SPIDR: variants seen among roughly 807,000 people sequenced by gnomAD.
SPIDR encodes DNA repair-scaffolding protein.
SPIDR carries 93 observed loss-of-function variants against 104.6 expected under a neutral mutation model. The observed-to-expected ratio is 0.89, with a 90% CI of 0.75 to 1.06. The LOEUF (loss-of-function observed/expected upper bound fraction) is 1.06. SPIDR is among the 50% of genes least tolerant of loss of function. SPIDR has a pLI of 0.00. For synonymous variants in SPIDR, 431 were observed against 416.9 expected, an observed-to-expected ratio of 1.03 and a Z score of -0.41; for missense variants, 1,154 against 1,111.2, an observed-to-expected ratio of 1.04 and a Z score of -0.55.
At chr8:47,322,273 C>G (rs191073031) in intron 5 of SPIDR, among the ~76,000 whole-genome samples, 5 of 152,102 alleles carry the variant, frequency 3.3e-5, no homozygotes, top group African/African-American at 1.2e-4. Context: ...AGAAAGTGGT[C>G]GAAGGATATG....
At chr8:47,668,154 C>G (rs1010942548) in intron 10 of SPIDR, among the ~76,000 whole-genome samples, 63 of 152,178 alleles carry the variant, frequency 4.1e-4, no homozygotes, top group Non-Finnish European at 6.9e-4. Flanking sequence ...GAGTCTTATA[C>G]TTAGAATTTT....
At chr8:47,640,132 T>C (rs543997208) in intron 10 of SPIDR, among the ~76,000 whole-genome samples, 1 of 152,336 alleles carries the variant, frequency 6.6e-6, no homozygotes, top group African/African-American at 2.4e-5. Flanking sequence ...TAGTGTGGGC[T>C]GCAAGCTGAA....
chr8:47,442,966 TG>T (rs1190119519), intron 8 of SPIDR, among the ~76,000 whole-genome samples: 2 of 152,194 alleles, frequency 1.3e-5, no homozygotes, highest in African/African-American at 2.4e-5. Context: ...TAAATGACCT[TG>T]TTTTTTTAAT....
chr8:47,418,355 A>G (rs2064763593), intron 7 of SPIDR, among the ~76,000 whole-genome samples: 2 of 152,092 alleles, frequency 1.3e-5, no homozygotes. Flanking sequence ...TGTAAGTTGG[A>G]TTCCTAGGTA....
In SPIDR at chr8:47,700,473, G is replaced by A. The variant is rs555963240; in HGVS notation, c.1756G>A (p.Asp586Asn). 21 of 1,614,100 alleles carry A rather than the reference G, an allele frequency of 1.3e-5. No homozygotes were observed. The highest frequency in any genetic ancestry group is 4.0e-5 in the African/African-American group (3 of 75,006). Residue 586 changes from aspartate (D) to asparagine (N), a missense_variant, in exon 12 of 20, where the codon GAC becomes AAC. Asp to Asn is a conservative substitution (Grantham distance 23). Transcript: ENST00000297423. ...GATACCTCTGAAAACACCTGGCCGC[G>A]ACCAGCCCTGTGAAGAGGTAAGCCC... ...PAIPLKTPGR[D>N]QPCEEIKTHL...
chr8:47,313,714 G>C (rs1157021290), intron 5 of SPIDR, among the ~76,000 whole-genome samples: 4 of 152,192 alleles, frequency 2.6e-5, no homozygotes, highest in African/African-American at 9.7e-5. Flanking sequence ...CCAAAACAGA[G>C]ATATAGATCA....
chr8:47,300,665 T>G (rs988118037), intron 5 of SPIDR, among the ~76,000 whole-genome samples: 22 of 152,208 alleles, frequency 1.4e-4, no homozygotes, highest in African/African-American at 5.1e-4. Flanking sequence ...TCTTGTTGGT[T>G]TCCAAGAACA....
At chr8:47,635,814 C>T (rs2067828635) in intron 10 of SPIDR, among the ~76,000 whole-genome samples, 1 of 152,186 alleles carries the variant, frequency 6.6e-6, no homozygotes, top group African/African-American at 2.4e-5. Context: ...AAGGAGAAAG[C>T]TGACATGCTT....
chr8:47,468,375 A>G (rs1351627039), intron 8 of SPIDR, among the ~76,000 whole-genome samples: 1 of 152,186 alleles, frequency 6.6e-6, no homozygotes, highest in African/African-American at 2.4e-5. Context: ...CATGTATCCA[A>G]AAATGAGCCC....
chr8:47,332,125 A>C (rs1405518009), intron 5 of SPIDR, among the ~76,000 whole-genome samples: 2 of 73,244 alleles, frequency 2.7e-5, no homozygotes, highest in Non-Finnish European at 5.3e-5. Context: ...CATTAGGTAT[A>C]TCTCCCAATG....
chr8:47,657,325 T>C (rs1381011230), intron 10 of SPIDR, among the ~76,000 whole-genome samples: 10 of 152,186 alleles, frequency 6.6e-5, no homozygotes, highest in African/African-American at 2.4e-4. Context: ...TACTGGATGA[T>C]TCAATTTTTG....
intron 10 of SPIDR, among the ~76,000 whole-genome samples, chr8:47,625,400 G>C (rs1198045215): frequency 6.6e-6 from 1 of 152,188 alleles, no homozygotes; most frequent in Non-Finnish European, 1.5e-5. Context: ...AGTCAGGCAG[G>C]AGAAGGAAAT....
At chr8:47,425,763 A>T (rs1554684258) in intron 7 of SPIDR, among the ~76,000 whole-genome samples, 1 of 152,214 alleles carries the variant, frequency 6.6e-6, no homozygotes, top group African/African-American at 2.4e-5. Flanking sequence ...GTAAAAAGTG[A>T]GTACAACTTA....
chr8:47,620,603 C>T (rs1372822754), intron 10 of SPIDR, among the ~76,000 whole-genome samples: 5 of 149,344 alleles, frequency 3.3e-5, no homozygotes, highest in East Asian at 4.0e-4. Context: ...CACAATTCAT[C>T]GGTTTTGTTT....
chr8:47,495,149 C>T (rs1246587790), intron 8 of SPIDR, among the ~76,000 whole-genome samples: 1 of 151,970 alleles, frequency 6.6e-6, no homozygotes, highest in East Asian at 1.9e-4. Flanking sequence ...AACAATATTG[C>T]CACCAAGAAC....
At chr8:47,626,765 T>C (rs1191153456) in intron 10 of SPIDR, among the ~76,000 whole-genome samples, 1 of 152,010 alleles carries the variant, frequency 6.6e-6, no homozygotes, top group East Asian at 1.9e-4. Context: ...TGTGGAGAAA[T>C]AGGAACACTT....
chr8:47,624,600 T>C (rs1205596614), intron 10 of SPIDR, among the ~76,000 whole-genome samples: 1 of 152,146 alleles, frequency 6.6e-6, no homozygotes, highest in Non-Finnish European at 1.5e-5. Flanking sequence ...CAGAGAATAC[T>C]ATAAACACCT....
intron 5 of SPIDR, among the ~76,000 whole-genome samples, chr8:47,312,560 T>C (rs1554586263): frequency 6.6e-6 from 1 of 152,172 alleles, no homozygotes; most frequent in African/African-American, 2.4e-5. Flanking sequence ...CACTTTTTGA[T>C]GGGGTTGTTT....
At chr8:47,492,245 A>G (rs1207951834) in intron 8 of SPIDR, among the ~76,000 whole-genome samples, 2 of 152,102 alleles carry the variant, frequency 1.3e-5, no homozygotes, top group Admixed American at 6.5e-5. Flanking sequence ...CCTGATTTCC[A>G]TCTGCCAGAC....
Sources: allele counts gnomAD v4.1 joint callset (sites outside exome capture counted in the v4.1 genomes callset), GRCh38; gene constraint gnomAD v4.1.1; transcripts MANE v1.5; gene names NCBI Gene and HGNC (gene_info 2026-07-23, HGNC 2026-07-21).